GMDS: variants seen among roughly 807,000 people sequenced by gnomAD.
The protein encoded by GMDS is GDP-mannose 4,6-dehydratase.
In GMDS, 20 loss-of-function variants were observed where a neutral mutation model predicts 49.9. The ratio of observed to expected loss-of-function variants is 0.40; its 90% CI spans 0.28 to 0.58. GMDS has a LOEUF of 0.58. Among genes scored for constraint, GMDS ranks in the 20% least tolerant of loss-of-function variants. The pLI, the probability that GMDS is intolerant of heterozygous loss-of-function variation, is 0.42. For synonymous variants in GMDS, 177 were observed against 178.6 expected (o/e 0.99, Z 0.07); for missense variants, 362 against 481.4 (o/e 0.75, Z 2.32).
chr6:2,234,895 G>A (rs766991202), intron 1 of GMDS, among the ~76,000 whole-genome samples: 1 of 152,140 alleles, frequency 6.6e-6, no homozygotes, highest in Non-Finnish European at 1.5e-5. Flanking sequence ...GGAGGCCAAG[G>A]TGGGCGGATC....
chr6:1,718,583 C>A (rs1007714686), intron 9 of GMDS, among the ~76,000 whole-genome samples: 1 of 152,188 alleles, frequency 6.6e-6, no homozygotes, highest in Non-Finnish European at 1.5e-5. Context: ...CCACCCCGGG[C>A]TGTCCCGGCA....
At position 1,740,149 on chromosome 6, in the gene GMDS, A is replaced by C. The variant is rs1400924616; in HGVS notation, c.890+2319T>G. 2.0e-5 allele frequency among the ~76,000 whole-genome samples: 3 copies of C among 152,194 alleles called. No individual in the cohort carries two copies. In the East Asian group the frequency reaches 5.8e-4, roughly 29 times the overall value. ...TTCTCATTAAACTTGTTTAAGTATAATCTGTGTTATTCACATATACAATAT... is the reference window on the plus strand; with the variant it reads ...TTCTCATTAAACTTGTTTAAGTATACTCTGTGTTATTCACATATACAATAT... On this transcript the variant is annotated intron_variant, in intron 8 of 10. Coordinates refer to ENST00000380815, the MANE Select transcript of GMDS (RefSeq NM_001500.4).
chr6:2,012,924 C>T (rs977852738), intron 4 of GMDS, among the ~76,000 whole-genome samples: 18 of 152,118 alleles, frequency 1.2e-4, no homozygotes, highest in African/African-American at 4.1e-4. Context: ...TTCTGGTCTC[C>T]CTAACAAAAA....
At chr6:2,212,427 G>T (rs1255923956) in intron 1 of GMDS, among the ~76,000 whole-genome samples, 5 of 151,964 alleles carry the variant, frequency 3.3e-5, no homozygotes, top group Non-Finnish European at 7.4e-5. Flanking sequence ...TAAAAAGAAA[G>T]AGCAACAAAA....
chr6:2,180,488 G>A (rs1778471749), intron 1 of GMDS, among the ~76,000 whole-genome samples: 1 of 152,142 alleles, frequency 6.6e-6, no homozygotes. Context: ...TAAAGTTCAA[G>A]ACTTAGAATA....
intron 7 of GMDS, among the ~76,000 whole-genome samples, chr6:1,847,659 T>C (rs1757470311): frequency 6.6e-6 from 1 of 152,202 alleles, no homozygotes; most frequent in Non-Finnish European, 1.5e-5. Context: ...GTTTCATAGA[T>C]AGAAATATTA....
chr6:1,711,967 G>A (rs989814974), intron 9 of GMDS, among the ~76,000 whole-genome samples: 16 of 152,042 alleles, frequency 1.1e-4, no homozygotes, highest in African/African-American at 3.6e-4. Context: ...CCGGCCCCTC[G>A]CCTGAGCCTT....
At chr6:1,768,188 C>T (rs1461174364) in intron 7 of GMDS, among the ~76,000 whole-genome samples, 1 of 152,082 alleles carries the variant, frequency 6.6e-6, no homozygotes, top group Non-Finnish European at 1.5e-5. Flanking sequence ...AGTCATTAAC[C>T]ATATGAATGT....
rs544383850 is a variant in GMDS at position 2,013,505 on chromosome 6, G to T, written c.346-52539C>A. On this transcript the variant is annotated intron_variant, in intron 4 of 10. Coordinates refer to ENST00000380815, the MANE Select transcript of GMDS (RefSeq NM_001500.4). The stretch of plus-strand genomic sequence containing the variant: ...CATATAACAGATTTTTAAATTATCA[G>T]ATAGGGAAGTTAAAATAATTATGAT... Among the ~76,000 whole-genome samples the T allele has an allele frequency of 2.6e-5, 4 of 152,246 alleles. No individual in the cohort carries two copies. The South Asian group carries it at 6.2e-4, about 24-fold the overall frequency.
At chr6:1,821,611 G>GTTTTTTTTT (rs3039703) in intron 7 of GMDS, among the ~76,000 whole-genome samples, 1 of 109,854 alleles carries the variant, frequency 9.1e-6, no homozygotes, top group Non-Finnish European at 1.9e-5. Context: ...CAATTTATTT[G>GTTTTTTTTT]TTTTTTTTTT....
intron 9 of GMDS, among the ~76,000 whole-genome samples, chr6:1,639,160 C>T (rs556786036): frequency 8.9e-4 from 135 of 152,148 alleles, no homozygotes; most frequent in African/African-American, 3.2e-3. Flanking sequence ...GGAGCAGGAG[C>T]GGAGGAGAGA....
intron 1 of GMDS, among the ~76,000 whole-genome samples, chr6:2,162,214 A>T (rs1777436808): frequency 6.6e-6 from 1 of 152,160 alleles, no homozygotes; most frequent in South Asian, 2.1e-4. Context: ...CAGAAAGAAT[A>T]CCTGTGGGTG....
chr6:2,094,059 G>A (rs1026870657), intron 4 of GMDS, among the ~76,000 whole-genome samples: 1 of 152,158 alleles, frequency 6.6e-6, no homozygotes, highest in Non-Finnish European at 1.5e-5. Context: ...TGCGGAAACA[G>A]GGAGATTCTC....
intron 1 of GMDS, among the ~76,000 whole-genome samples, chr6:2,224,804 G>A (rs1780746052): frequency 6.6e-6 from 1 of 152,180 alleles, no homozygotes; most frequent in Non-Finnish European, 1.5e-5. Flanking sequence ...GTTCAGGACA[G>A]CCAAGAGTAA....
chr6:2,022,052 C>G (rs994335524), intron 4 of GMDS, among the ~76,000 whole-genome samples: 2 of 152,090 alleles, frequency 1.3e-5, no homozygotes, highest in African/African-American at 4.8e-5. Context: ...TCATTGAAGC[C>G]TGAGTTTTAT....
intron 4 of GMDS, among the ~76,000 whole-genome samples, chr6:2,099,333 A>G (rs1255955160): frequency 6.6e-6 from 1 of 152,162 alleles, no homozygotes; most frequent in Non-Finnish European, 1.5e-5. Context: ...TTTCATAATC[A>G]CATCCTATAC....
rs145198696 is a variant in GMDS at position 1,880,130 on chromosome 6, A to C, written c.771+49973T>G. 2.4e-3 allele frequency among the ~76,000 whole-genome samples: 359 copies of C among 152,122 alleles called. 7 individuals carry two copies. Among genetic ancestry groups the C allele is most frequent in the Admixed American group, 0.02 (307 of 15,278 alleles). Reference sequence around the variant, plus strand: ...AAAAATAAAAAGAAGAGGAAGGTAAAGTCACAAAAGTATTTTACTGTTATA... The same window carrying C: ...AAAAATAAAAAGAAGAGGAAGGTAACGTCACAAAAGTATTTTACTGTTATA... On this transcript the variant is annotated intron_variant, in intron 7 of 10. Transcript: ENST00000380815.
intron 4 of GMDS, among the ~76,000 whole-genome samples, chr6:2,017,403 G>A (rs1295612732): frequency 6.6e-6 from 1 of 152,046 alleles, no homozygotes; most frequent in Non-Finnish European, 1.5e-5. Context: ...CCGCCTCCTG[G>A]GTTCCAGCAA....
intron 7 of GMDS, among the ~76,000 whole-genome samples, chr6:1,862,720 C>T (rs1490493568): frequency 6.6e-6 from 1 of 152,142 alleles, no homozygotes; most frequent in Non-Finnish European, 1.5e-5. Flanking sequence ...TCACATAGTT[C>T]CCTGGGTAAA....
Sources: gnomAD v4.1 joint callset for allele counts (sites outside exome capture counted in the v4.1 genomes callset) on GRCh38, gnomAD v4.1.1 for gene constraint, MANE v1.5 for transcripts, NCBI Gene and HGNC (gene_info 2026-07-23, HGNC 2026-07-21) for gene names.